GTF2IRD1: variants seen among roughly 807,000 people sequenced by gnomAD.
The protein encoded by GTF2IRD1 is GTF2I repeat domain containing 1.
A neutral mutation model predicts 113.2 loss-of-function variants in GTF2IRD1; 26 were observed. The observed-to-expected ratio is 0.23, with a 90% CI of 0.17 to 0.32. The LOEUF is 0.32. Among genes scored for constraint, GTF2IRD1 ranks in the 10% least tolerant of loss-of-function variants. The probability of loss-of-function intolerance (pLI) is 1.00; values close to 1 mark genes in which losing one functional copy is unlikely to be tolerated. For missense variants in GTF2IRD1, 864 were observed against 1,280.8 expected (o/e 0.67, Z 4.97); for synonymous variants, 484 against 529.1 (o/e 0.91, Z 1.17).
intron 1 of GTF2IRD1, among the ~76,000 whole-genome samples, chr7:74,458,967 A>G (rs1388867932): frequency 1.3e-5 from 2 of 151,636 alleles, no homozygotes; most frequent in Non-Finnish European, 2.9e-5. Context: ...CCTCATCATC[A>G]CTTCTTCACC....
At chr7:74,580,406 T>A (rs1458780792) in intron 22 of GTF2IRD1, among the ~76,000 whole-genome samples, 1 of 152,106 alleles carries the variant, frequency 6.6e-6, no homozygotes, top group Non-Finnish European at 1.5e-5. Context: ...CGTGAGGTCG[T>A]CAGTCTGAGC....
chr7:74,537,488 C>T (rs782115157), intron 11 of GTF2IRD1, among the ~76,000 whole-genome samples: 95 of 152,032 alleles, frequency 6.2e-4, no homozygotes, highest in Admixed American at 2.6e-3. Flanking sequence ...TACATGCATA[C>T]ACACCTACCT....
intron 11 of GTF2IRD1, 123 bp from the exon 12 acceptor site, chr7:74,538,013 T>C (rs1194544642): frequency 3.6e-6 from 3 of 832,794 alleles, no homozygotes; most frequent in Non-Finnish European, 6.1e-6. Flanking sequence ...CAGGGGCCGA[T>C]GGGGACAGGG....
At chr7:74,596,692 G>T (rs1225658209) in intron 25 of GTF2IRD1, among the ~76,000 whole-genome samples, 1 of 151,996 alleles carries the variant, frequency 6.6e-6, no homozygotes, top group Admixed American at 6.6e-5. Flanking sequence ...GGTGGCTCAC[G>T]CCTCTAATCC....
At chr7:74,459,404 G>A (rs1793213010) in intron 1 of GTF2IRD1, among the ~76,000 whole-genome samples, 1 of 152,074 alleles carries the variant, frequency 6.6e-6, no homozygotes, top group Non-Finnish European at 1.5e-5. Context: ...GTTGCCGTGA[G>A]CTGAGATCGT....
intron 22 of GTF2IRD1, among the ~76,000 whole-genome samples, chr7:74,576,413 T>C (rs1456408600): frequency 2.0e-5 from 3 of 149,164 alleles, no homozygotes; most frequent in East Asian, 4.2e-4. Context: ...ATACAAAAAT[T>C]AGCCAGGTGT....
chr7:74,508,291 G>C, intron 2 of GTF2IRD1, 88 bp downstream of exon 2: 1 of 1,444,588 alleles, frequency 6.9e-7, no homozygotes, highest in Non-Finnish European at 9.4e-7. Flanking sequence ...GCTACTCGAA[G>C]GAGCTTTCAC....
chr7:74,542,045 A>G (rs1455610434), intron 14 of GTF2IRD1, among the ~76,000 whole-genome samples: 3 of 151,774 alleles, frequency 2.0e-5, no homozygotes, highest in Admixed American at 6.6e-5. Flanking sequence ...GCAGTGGGCT[A>G]TGATGGTGCC....
rs373237504 is a variant in GTF2IRD1 at position 74,587,925 on chromosome 7, G to A, written c.2321-1926G>A. ...GCACGGCCCCCACACTCCCAGACAC[G>A]GTCTGTTTCCCATTCACAGACCTTG... On this transcript the variant is annotated intron_variant, in intron 22 of 26. Transcript: ENST00000424337. 1.0e-3 allele frequency among the ~76,000 whole-genome samples: 156 copies of A among 152,026 alleles called. 2 individuals are homozygous for A. In the South Asian group the frequency reaches 0.017, roughly 16 times the overall value.
chr7:74,590,754 G>C, intron 23 of GTF2IRD1, 71 bp from the exon 24 acceptor site: 1 of 1,089,264 alleles, frequency 9.2e-7, no homozygotes, highest in Non-Finnish European at 1.3e-6. Flanking sequence ...CCAGACTCCA[G>C]CCCTTTCCCT....
chr7:74,499,354 G>A (rs781796089), intron 1 of GTF2IRD1, among the ~76,000 whole-genome samples: 4 of 151,150 alleles, frequency 2.6e-5, no homozygotes, highest in Non-Finnish European at 5.9e-5. Flanking sequence ...TAAGCACAGG[G>A]AATGAGTATC....
chr7:74,590,269 C>T (rs1554369073), intron 23 of GTF2IRD1, among the ~76,000 whole-genome samples: 4 of 150,908 alleles, frequency 2.7e-5, no homozygotes, highest in African/African-American at 9.8e-5. Context: ...TTAGTAGAGA[C>T]AAGGTTTCAC....
intron 1 of GTF2IRD1, among the ~76,000 whole-genome samples, chr7:74,468,676 CTGTGTGTGTGTGTG>C (rs61694825): frequency 0.027 from 3,474 of 129,394 alleles, 135 homozygotes; most frequent in African/African-American, 0.074. Context: ...AAAAAAAAAA[CTGTGTGTGTGTGTG>C]TGTGTGTGTG....
chr7:74,478,348 C>T (rs1300334002), intron 1 of GTF2IRD1, among the ~76,000 whole-genome samples: 4 of 152,216 alleles, frequency 2.6e-5, no homozygotes, highest in Non-Finnish European at 5.9e-5. Context: ...CCAGGCCCAG[C>T]GCCAGGCCCT....
chr7:74,601,101 T>A lies in GTF2IRD1; in HGVS notation c.2687T>A (p.Val896Asp), dbSNP rs1562907338. 6.2e-7 allele frequency: 1 copy of A among 1,613,948 alleles called. No homozygotes were observed. The highest frequency in any genetic ancestry group is 1.7e-5 in the Admixed American group (1 of 59,944). The change falls in exon 26 of 27, where the codon GTC becomes GAC. Residue 896 changes from valine to aspartate, a missense_variant. Val to Asp is a radical substitution (Grantham distance 152). Around this residue, in one of 7 missense-constraint regions of GTF2IRD1, gnomAD observed 55 missense variants for 52.2 expected, o/e 1.05. Coordinates refer to ENST00000424337, the MANE Select transcript of GTF2IRD1 (RefSeq NM_005685.4). The stretch of plus-strand genomic sequence containing the variant: ...AAGCGGGTCTCGGAAGGAAATTCCG[T>A]CTCCTCTTCCTCCTCGTCTTCCTCT... Reference protein sequence around the residue: ...KRKRVSEGNSVSSSSSSSSSS... With the variant: ...KRKRVSEGNSDSSSSSSSSSS...
chr7:74,548,646 G>C (rs1799104519), intron 17 of GTF2IRD1, among the ~76,000 whole-genome samples: 1 of 151,940 alleles, frequency 6.6e-6, no homozygotes, highest in Non-Finnish European at 1.5e-5. Context: ...GCACATGCCT[G>C]TAGTCTCAGC....
At chr7:74,549,417 G>A (rs1459918764) in intron 17 of GTF2IRD1, among the ~76,000 whole-genome samples, 2 of 152,120 alleles carry the variant, frequency 1.3e-5, no homozygotes, top group Non-Finnish European at 2.9e-5. Context: ...GACTCACAGC[G>A]TCATTTTTCA....
At chr7:74,562,287 TG>T (rs1321792439) in intron 22 of GTF2IRD1, among the ~76,000 whole-genome samples, 4 of 151,850 alleles carry the variant, frequency 2.6e-5, no homozygotes, top group Admixed American at 6.6e-5. Flanking sequence ...CCAGGGCAGG[TG>T]GAGGGGTGGC....
chr7:74,470,949 G>A (rs1400630193), intron 1 of GTF2IRD1, among the ~76,000 whole-genome samples: 1 of 152,094 alleles, frequency 6.6e-6, no homozygotes, highest in Non-Finnish European at 1.5e-5. Flanking sequence ...GACAACAGGC[G>A]TGCCACCACA....
Sources: allele counts gnomAD v4.1 joint callset (sites outside exome capture counted in the v4.1 genomes callset), GRCh38; gene constraint gnomAD v4.1.1; regional missense constraint gnomAD v4.1.1; transcripts MANE v1.5; gene names NCBI Gene and HGNC (gene_info 2026-07-23, HGNC 2026-07-21).